OCA2: variants seen among roughly 807,000 people sequenced by gnomAD.
OCA2 encodes the protein P protein.
In OCA2, 77 loss-of-function variants were observed where a neutral mutation model predicts 100.2. The observed-to-expected ratio is 0.77, with a 90% CI of 0.64 to 0.93. The LOEUF (loss-of-function observed/expected upper bound fraction) is 0.93. OCA2 is among the 40% of genes least tolerant of loss of function. The pLI is 0.00. For synonymous variants in OCA2, 432 were observed against 439.2 expected, an observed-to-expected ratio of 0.98 and a Z score of 0.21; for missense variants, 1,062 against 1,089.1, an observed-to-expected ratio of 0.98 and a Z score of 0.35.
At position 27,955,210 on chromosome 15, in the gene OCA2, A is replaced by G. The variant is rs1161799204; in HGVS notation, c.1790T>C (p.Ile597Thr). Residue 597 changes from isoleucine (I) to threonine (T), a missense_variant, in exon 17 of 24, where the codon ATC becomes ACC. Transcript: ENST00000354638. Reference sequence around the variant, plus strand: ...CTCCCAATTTTTGTCCTCCTGTGAGATCTGTCTAAAAGAGAAAAGAAGAGA... The same window carrying G: ...CTCCCAATTTTTGTCCTCCTGTGAGGTCTGTCTAAAAGAGAAAAGAAGAGA... ...ARRLHTFHRQ[I>T]SQEDKNWETN... The G allele has an allele frequency of 6.2e-7, 1 of 1,609,974 alleles. No homozygotes were observed. Among genetic ancestry groups the G allele is most frequent in the South Asian group, 1.1e-5 (1 of 90,992 alleles).
chr15:27,722,666 CCTTTCTTTT>C, the OCA2 span, among the ~76,000 whole-genome samples: 1 of 140,528 alleles, frequency 7.1e-6, no homozygotes, highest in Admixed American at 6.9e-5. Flanking sequence ...CTCTTTCTTT[CCTTTCTTTT>C]CTTTCTTTCT....
chr15:27,813,969 T>C (rs2034179398), intron 23 of OCA2, among the ~76,000 whole-genome samples: 1 of 152,248 alleles, frequency 6.6e-6, no homozygotes, highest in Non-Finnish European at 1.5e-5. Context: ...GACACATTCA[T>C]GTAATGTGTA....
chr15:27,733,730 T>G, the OCA2 span, among the ~76,000 whole-genome samples: 37 of 152,282 alleles, frequency 2.4e-4, no homozygotes, highest in African/African-American at 7.7e-4. Context: ...AATTTTTTAT[T>G]TATTAATAAT....
intron 2 of OCA2, among the ~76,000 whole-genome samples, chr15:28,065,558 A>ACTCT (rs2043999427): frequency 6.6e-6 from 1 of 151,808 alleles, no homozygotes; most frequent in South Asian, 2.1e-4. Flanking sequence ...AGTTTCCACA[A>ACTCT]CTCTTAGTGC....
chr15:27,845,808 G>A (rs1032245332), intron 22 of OCA2, among the ~76,000 whole-genome samples: 4 of 152,252 alleles, frequency 2.6e-5, no homozygotes, highest in African/African-American at 7.2e-5. Context: ...AGGAAGAGTC[G>A]CCTTCCATCT....
chr15:27,916,266 G>A (rs2140302384), intron 19 of OCA2, among the ~76,000 whole-genome samples: 1 of 152,172 alleles, frequency 6.6e-6, no homozygotes, highest in Middle Eastern at 3.4e-3. Context: ...CCTGAGTGAT[G>A]AAATAATCTG....
intron 21 of OCA2, among the ~76,000 whole-genome samples, chr15:27,868,239 C>T (rs936792824): frequency 6.6e-6 from 1 of 152,074 alleles, no homozygotes; most frequent in Non-Finnish European, 1.5e-5. Flanking sequence ...ATCAGGCTCT[C>T]GAAGAAGAAA....
rs143965937 is a variant in OCA2 at position 27,797,503 on chromosome 15, C to T, written c.2433-42031G>A. Among the ~76,000 whole-genome samples, 83 of 152,174 alleles carry T rather than the reference C, an allele frequency of 5.5e-4. No homozygotes were observed. The East Asian group carries it at 0.015, about 27-fold the overall frequency. ...TCTGTTCCAGTTCATGGGCGGCAGGCGTGTTCAGAAACACAGCAGGCAGAG... is the reference window on the plus strand; with the variant it reads ...TCTGTTCCAGTTCATGGGCGGCAGGTGTGTTCAGAAACACAGCAGGCAGAG... On this transcript the variant is annotated intron_variant, in intron 23 of 23. Transcript: ENST00000354638.
chr15:28,005,527 C>T (rs2042066157), intron 9 of OCA2, among the ~76,000 whole-genome samples: 1 of 152,130 alleles, frequency 6.6e-6, no homozygotes, highest in African/African-American at 2.4e-5. Flanking sequence ...CCCTCACCTT[C>T]CCCTAACACC....
At chr15:27,826,878 A>G (rs1304466864) in intron 23 of OCA2, among the ~76,000 whole-genome samples, 4 of 152,228 alleles carry the variant, frequency 2.6e-5, no homozygotes, top group Admixed American at 6.5e-5. Context: ...ATACTTCCCA[A>G]ACTTATTTGA....
chr15:27,827,578 T>C (rs1212812752), intron 23 of OCA2, among the ~76,000 whole-genome samples: 1 of 151,110 alleles, frequency 6.6e-6, no homozygotes, highest in Non-Finnish European at 1.5e-5. Context: ...ACACATTAGG[T>C]TGAGAAAAAT....
chr15:27,795,959 G>GA lies in OCA2; in HGVS notation c.2433-40488dup, dbSNP rs201409825. On this transcript the variant is annotated intron_variant, in intron 23 of 23. Transcript: ENST00000354638. ...AAGTCACTTGAATTTGCCTATTTAA[G>GA]AAAAAAATCAATAGTTGTTCTCAAG... Among the ~76,000 whole-genome samples, 1,089 of 152,288 alleles carry GA rather than the reference G, an allele frequency of 7.2e-3. 17 individuals are homozygous for GA. The highest frequency in any genetic ancestry group is 0.025 in the African/African-American group (1,042 of 41,550).
At chr15:27,865,937 C>T (rs1421658042) in intron 21 of OCA2, among the ~76,000 whole-genome samples, 2 of 152,144 alleles carry the variant, frequency 1.3e-5, no homozygotes, top group Non-Finnish European at 2.9e-5. Context: ...TCAAAGGGGC[C>T]CCTCTGTAGG....
At chr15:27,987,951 T>C (rs1423589408) in intron 11 of OCA2, among the ~76,000 whole-genome samples, 1 of 152,102 alleles carries the variant, frequency 6.6e-6, no homozygotes, top group Non-Finnish European at 1.5e-5. Context: ...CCAGTGTAAA[T>C]ATCCACCATG....
intron 2 of OCA2, among the ~76,000 whole-genome samples, chr15:28,075,244 G>T (rs1335766366): frequency 5.3e-5 from 8 of 152,114 alleles, no homozygotes; most frequent in Non-Finnish European, 2.9e-5. Context: ...AGCACAAACT[G>T]TCAGAAGATA....
At chr15:27,760,993 GCTAACATAATACTTAATAAGGAGAAA>G (rs2030787292) in intron 23 of OCA2, among the ~76,000 whole-genome samples, 1 of 151,928 alleles carries the variant, frequency 6.6e-6, no homozygotes, top group Admixed American at 6.6e-5. Context: ...AAAAACTACA[GCTAACATAATACTTAATAAGGAGAAA>G]CTGAATGCTT....
chr15:27,816,965 T>C (rs1454859592), intron 23 of OCA2, among the ~76,000 whole-genome samples: 1 of 152,130 alleles, frequency 6.6e-6, no homozygotes, highest in East Asian at 1.9e-4. Context: ...TCCCTTCCCC[T>C]ATGTCTCCGC....
intron 9 of OCA2, among the ~76,000 whole-genome samples, chr15:28,009,959 A>C (rs1376869225): frequency 6.6e-6 from 1 of 152,216 alleles, no homozygotes; most frequent in Admixed American, 6.5e-5. Context: ...AGATGCAGCT[A>C]CAGCAGTGCT....
Position 27,957,292 on chromosome 15 carries a change from G to A in OCA2, c.1784+296C>T, listed in dbSNP as rs778146559. ...ATGTAGAGAGATGGGACAGCCCAGC[G>A]GTTGACAGTGAGAGCCCCATCCCCA... is the stretch of plus-strand genomic sequence containing the variant. On this transcript the variant is annotated intron_variant, in intron 16 of 23. Coordinates refer to ENST00000354638, the MANE Select transcript of OCA2 (RefSeq NM_000275.3). The surrounding 1 kb of genome is among the most constrained non-coding windows in gnomAD (Gnocchi z 4.3). Among the ~76,000 whole-genome samples the A allele has an allele frequency of 2.0e-5, 3 of 152,148 alleles. No homozygotes were observed. Among genetic ancestry groups the A allele is most frequent in the Non-Finnish European group, 4.4e-5 (3 of 68,032 alleles).
Sources: gnomAD v4.1 joint callset for allele counts (sites outside exome capture counted in the v4.1 genomes callset) on GRCh38, gnomAD v4.1.1 for gene constraint, Gnocchi (gnomAD v3.1) non-coding constraint, MANE v1.5 for transcripts, NCBI Gene and HGNC (gene_info 2026-07-23, HGNC 2026-07-21) for gene names.